The following GTF2I variants were observed in gnomAD, a reference collection of about 807,000 sequenced individuals.
The protein encoded by GTF2I is general transcription factor IIi.
GTF2I carries 12 observed loss-of-function variants against 67.6 expected under a neutral mutation model. The observed-to-expected ratio is 0.18, with a 90% confidence interval of 0.11 to 0.29. The LOEUF (loss-of-function observed/expected upper bound fraction) is 0.29, where lower values mean the gene tolerates loss of function less well. GTF2I is among the 10% of genes least tolerant of loss of function. The pLI is 1.00. For missense variants in GTF2I, 271 were observed against 580.1 expected (o/e 0.47, Z 5.47); for synonymous variants, 149 against 197.0 (o/e 0.76, Z 2.04).
rs145785772 is a variant in GTF2I, at chr7:74,678,456, G to A, written c.-5-10668G>A. 9.1e-4 allele frequency among the ~76,000 whole-genome samples: 139 copies of A among 152,082 alleles called. 1 individual carries two copies. The highest frequency in any genetic ancestry group is 3.4e-3 in the Middle Eastern group (1 of 294). ...ATTTTTGCAGTCTTGAGTTTATCTC[G>A]CCTTCCTTAAGTAAAGGTGCAGTGT... is the stretch of plus-strand genomic sequence containing the variant. On this transcript the variant is annotated intron_variant, in intron 1 of 34. Coordinates refer to ENST00000573035, the MANE Select transcript of GTF2I (RefSeq NM_032999.4).
intron 3 of GTF2I, among the ~76,000 whole-genome samples, chr7:74,694,943 A>G (rs587708225): frequency 6.6e-6 from 1 of 152,136 alleles, no homozygotes; most frequent in African/African-American, 2.4e-5. Flanking sequence ...CCTGTGCTCT[A>G]TTGATAGAAC....
At position 74,703,453 on chromosome 7, in the gene GTF2I, C is replaced by T. The variant is rs369813215; in HGVS notation, c.587-1711C>T. Among the ~76,000 whole-genome samples, 906 of 141,918 alleles carry T rather than the reference C, an allele frequency of 6.4e-3. 4 individuals carry two copies. Among genetic ancestry groups the T allele is most frequent in the Non-Finnish European group, 7.6e-3 (511 of 67,430 alleles). 93.1% of individuals were successfully genotyped at this position (141,918 alleles called of 152,430 possible). On this transcript the variant is annotated intron_variant, in intron 6 of 34. Transcript: ENST00000573035. ...GGAGTGCGGTGGCATGATCTCAGCT[C>T]ACTGCAACCTCTGCCTCCCGGGTTC...
intron 1 of GTF2I, among the ~76,000 whole-genome samples, chr7:74,666,603 C>A (rs1554388617): frequency 1.3e-5 from 2 of 151,864 alleles, no homozygotes; most frequent in African/African-American, 4.8e-5. Context: ...CTTTGGGAGG[C>A]CATGACTCAC....
At chr7:74,662,254 C>A (rs1446394904) in intron 1 of GTF2I, among the ~76,000 whole-genome samples, 6 of 134,088 alleles carry the variant, frequency 4.5e-5, no homozygotes, top group African/African-American at 1.7e-4. Context: ...CTCTGTCGCC[C>A]AGGCTGGAGT....
chr7:74,703,519 A>G (rs1184786192), intron 6 of GTF2I, among the ~76,000 whole-genome samples: 1 of 152,036 alleles, frequency 6.6e-6, no homozygotes, highest in Non-Finnish European at 1.5e-5. Flanking sequence ...AGCTGGGACT[A>G]CAGGTGCCCG....
chr7:74,688,844 C>A, intron 1 of GTF2I: 1 of 353,762 alleles, frequency 2.8e-6, no homozygotes, highest in East Asian at 5.9e-5. Flanking sequence ...CTTGTTCTTA[C>A]TTGGGAGAAA....
intron 12 of GTF2I, among the ~76,000 whole-genome samples, chr7:74,719,766 C>G (rs1314324246): frequency 6.6e-6 from 1 of 151,968 alleles, no homozygotes; most frequent in Non-Finnish European, 1.5e-5. Flanking sequence ...ACTAAAAATA[C>G]AAAACTAGCT....
chr7:74,709,835 G>T (rs941422915), intron 8 of GTF2I, among the ~76,000 whole-genome samples: 1 of 150,824 alleles, frequency 6.6e-6, no homozygotes, highest in East Asian at 2.0e-4. Flanking sequence ...ACCACTCCCG[G>T]CTAATTTTTG....
chr7:74,717,524 T>C (rs1481694568), intron 11 of GTF2I, among the ~76,000 whole-genome samples: 2 of 152,168 alleles, frequency 1.3e-5, no homozygotes, highest in East Asian at 1.9e-4. Context: ...CAACTTATCA[T>C]GTAGGGTGGC....
intron 1 of GTF2I, among the ~76,000 whole-genome samples, chr7:74,673,271 T>A (rs1554391277): frequency 6.6e-6 from 1 of 152,206 alleles, no homozygotes; most frequent in Non-Finnish European, 1.5e-5. Flanking sequence ...AAAAATGAGG[T>A]TAACTAATCT....
chr7:74,662,325 C>T (rs1804579059), intron 1 of GTF2I, among the ~76,000 whole-genome samples: 1 of 149,400 alleles, frequency 6.7e-6, no homozygotes, highest in South Asian at 2.1e-4. Context: ...ATTCTCCTGC[C>T]TCAGCCTCCG....
chr7:74,691,748 C>G (rs1554397095), intron 3 of GTF2I, among the ~76,000 whole-genome samples: 1 of 151,468 alleles, frequency 6.6e-6, no homozygotes, highest in Non-Finnish European at 1.5e-5. Context: ...TAGGTTAAAA[C>G]TTTTACTCAG....
At chr7:74,672,318 A>G (rs902195467) in intron 1 of GTF2I, among the ~76,000 whole-genome samples, 14 of 152,034 alleles carry the variant, frequency 9.2e-5, no homozygotes, top group Admixed American at 2.0e-4. Context: ...GCGTGCAGAT[A>G]TTGCCTGGGC....
intron 12 of GTF2I, chr7:74,722,854 CACTT>C (rs1284974015): frequency 1.2e-4 from 18 of 152,172 alleles, no homozygotes; most frequent in African/African-American, 4.3e-4. Context: ...GCCAATCAGA[CACTT>C]AATGAATACA....
At chr7:74,730,776 G>C (rs1214439484) in intron 14 of GTF2I, among the ~76,000 whole-genome samples, 1 of 106,164 alleles carries the variant, frequency 9.4e-6, no homozygotes, top group East Asian at 3.3e-4. Flanking sequence ...GTACAATCTC[G>C]GCTCATTGCA....
chr7:74,698,288 CATCAT>C (rs1789216984), intron 3 of GTF2I, among the ~76,000 whole-genome samples: 4 of 149,662 alleles, frequency 2.7e-5, no homozygotes, highest in African/African-American at 9.8e-5. Context: ...ACGGTGGTTT[CATCAT>C]GTTGACCAGG....
At chr7:74,659,547 C>T (rs2131165855) in intron 1 of GTF2I, among the ~76,000 whole-genome samples, 1 of 152,152 alleles carries the variant, frequency 6.6e-6, no homozygotes, top group South Asian at 2.1e-4. Flanking sequence ...GCCCACCACG[C>T]CCGGCTAATT....
chr7:74,677,044 G>A (rs1161529097), intron 1 of GTF2I, among the ~76,000 whole-genome samples: 1 of 152,080 alleles, frequency 6.6e-6, no homozygotes, highest in African/African-American at 2.4e-5. Flanking sequence ...GGGCGACAGA[G>A]TGAGACTCTG....
chr7:74,713,236 A>T (rs1791846011), intron 9 of GTF2I, among the ~76,000 whole-genome samples: 1 of 152,200 alleles, frequency 6.6e-6, no homozygotes, highest in Admixed American at 6.5e-5. Flanking sequence ...ATAGAATAAG[A>T]CTATGTCGTA....
Sources: gnomAD v4.1 joint callset for allele counts (sites outside exome capture counted in the v4.1 genomes callset) on GRCh38, gnomAD v4.1.1 for gene constraint, MANE v1.5 for transcripts, NCBI Gene and HGNC (gene_info 2026-07-23, HGNC 2026-07-21) for gene names.